STXBP5: variants seen among roughly 807,000 people sequenced by gnomAD.
STXBP5 encodes the protein syntaxin-binding protein 5.
A neutral mutation model predicts 152.4 loss-of-function variants in STXBP5; 50 were observed. That is an observed-to-expected ratio of 0.33 (90% CI 0.26 to 0.42). The LOEUF (loss-of-function observed/expected upper bound fraction) is 0.42, where lower values mean the gene tolerates loss of function less well. STXBP5 is among the 10% of genes least tolerant of loss of function. The probability of loss-of-function intolerance (pLI) is 1.00; values close to 1 mark genes in which losing one functional copy is unlikely to be tolerated. For missense variants in STXBP5, 1,167 were observed against 1,388.6 expected (o/e 0.84, Z 2.54); for synonymous variants, 492 against 494.7 (o/e 0.99, Z 0.07).
At position 147,240,108 on chromosome 6, in the gene STXBP5, A is replaced by G. The variant is rs188567698; in HGVS notation, c.431+838A>G. 4.2e-3 allele frequency among the ~76,000 whole-genome samples: 633 copies of G among 151,822 alleles called. 4 individuals carry two copies. The highest frequency in any genetic ancestry group is 5.7e-3 in the Non-Finnish European group (388 of 67,928). On this transcript the variant is annotated intron_variant, in intron 4 of 27. Coordinates refer to ENST00000321680, the MANE Select transcript of STXBP5 (RefSeq NM_001127715.4). Reference sequence around the variant, plus strand: ...TAGCATGCACCACAACACCTGGCTAATTTTTGTATTTTTAGTAGAGACGGG... The same window carrying G: ...TAGCATGCACCACAACACCTGGCTAGTTTTTGTATTTTTAGTAGAGACGGG...
intron 2 of STXBP5, among the ~76,000 whole-genome samples, chr6:147,208,613 A>G (rs1776690735): frequency 6.6e-6 from 1 of 152,160 alleles, no homozygotes; most frequent in Non-Finnish European, 1.5e-5. Flanking sequence ...CCTAAAAGAT[A>G]TCATTAGAGC....
intron 8 of STXBP5, among the ~76,000 whole-genome samples, chr6:147,287,467 G>A (rs1406438277): frequency 2.6e-5 from 4 of 152,068 alleles, no homozygotes; most frequent in Non-Finnish European, 5.9e-5. Flanking sequence ...CTCCCAAAGT[G>A]CTGGGATTAC....
At chr6:147,221,239 A>G (rs1220881327) in intron 2 of STXBP5, among the ~76,000 whole-genome samples, 1 of 152,056 alleles carries the variant, frequency 6.6e-6, no homozygotes, top group Non-Finnish European at 1.5e-5. Flanking sequence ...TCACCTATAT[A>G]TAAGCATATG....
intron 21 of STXBP5, among the ~76,000 whole-genome samples, chr6:147,340,965 T>C (rs1248128501): frequency 6.6e-6 from 1 of 152,162 alleles, no homozygotes; most frequent in Non-Finnish European, 1.5e-5. Context: ...GGAAAGCATG[T>C]TATGTTAACT....
intron 27 of STXBP5, 51 bp downstream of exon 27, chr6:147,383,049 G>A: frequency 6.3e-7 from 1 of 1,577,166 alleles, no homozygotes; most frequent in Non-Finnish European, 8.7e-7. Flanking sequence ...TAAAGCAAGT[G>A]TGAATGTTAC....
At chr6:147,307,198 A>T (rs1283106353) in intron 9 of STXBP5, among the ~76,000 whole-genome samples, 1 of 152,154 alleles carries the variant, frequency 6.6e-6, no homozygotes, top group Non-Finnish European at 1.5e-5. Context: ...AAAAAATCTA[A>T]TCAAACTAGA....
At chr6:147,298,304 A>C (rs961601692) in intron 9 of STXBP5, among the ~76,000 whole-genome samples, 2 of 152,064 alleles carry the variant, frequency 1.3e-5, no homozygotes, top group Non-Finnish European at 2.9e-5. Context: ...TAAGAATTAC[A>C]AATATATATG....
intron 6 of STXBP5, among the ~76,000 whole-genome samples, chr6:147,262,692 C>G (rs1389057332): frequency 6.6e-6 from 1 of 151,848 alleles, no homozygotes; most frequent in African/African-American, 2.4e-5. Context: ...CTTTTGAACA[C>G]TTTGTACAAT....
intron 16 of STXBP5, among the ~76,000 whole-genome samples, chr6:147,320,783 A>C (rs1254282517): frequency 1.3e-5 from 2 of 152,182 alleles, no homozygotes; most frequent in Non-Finnish European, 2.9e-5. Flanking sequence ...AATCATAGTA[A>C]AAAATATCAT....
intron 7 of STXBP5, among the ~76,000 whole-genome samples, chr6:147,274,692 ATGT>A (rs754035697): frequency 3.4e-4 from 52 of 152,174 alleles, no homozygotes; most frequent in Non-Finnish European, 5.3e-4. Flanking sequence ...GTATTTGCAA[ATGT>A]TGTAATTTTA....
chr6:147,280,249 C>G (rs114572460), intron 8 of STXBP5, among the ~76,000 whole-genome samples: 220 of 151,172 alleles, frequency 1.5e-3, no homozygotes, highest in African/African-American at 5.1e-3. Flanking sequence ...ATAGAACGTG[C>G]CTCAGTATGG....
intron 19 of STXBP5, among the ~76,000 whole-genome samples, chr6:147,338,836 A>G (rs1270967007): frequency 6.6e-6 from 1 of 151,756 alleles, no homozygotes; most frequent in Non-Finnish European, 1.5e-5. Context: ...TTCAGTTAAT[A>G]CTATCAAGAA....
intron 2 of STXBP5, among the ~76,000 whole-genome samples, chr6:147,228,785 C>A (rs1469068670): frequency 6.6e-6 from 1 of 151,966 alleles, no homozygotes. Context: ...ATTATAATAT[C>A]CAAAATTGGG....
intron 22 of STXBP5, among the ~76,000 whole-genome samples, chr6:147,355,095 A>C (rs890414864): frequency 6.6e-6 from 1 of 152,086 alleles, no homozygotes; most frequent in Non-Finnish European, 1.5e-5. Context: ...CTGTACTTGC[A>C]CTATAGCTTC....
chr6:147,337,907 C>T (rs1325235495), intron 19 of STXBP5, among the ~76,000 whole-genome samples: 1 of 152,016 alleles, frequency 6.6e-6, no homozygotes, highest in East Asian at 1.9e-4. Flanking sequence ...AGTAATGGTT[C>T]TGCCAATGCT....
At chr6:147,353,721 TA>T (rs1406037681) in intron 22 of STXBP5, among the ~76,000 whole-genome samples, 1 of 152,192 alleles carries the variant, frequency 6.6e-6, no homozygotes, top group Admixed American at 6.5e-5. Flanking sequence ...TTGAACTTTA[TA>T]AAATTATTTT....
intron 7 of STXBP5, among the ~76,000 whole-genome samples, 185 bp downstream of exon 7, chr6:147,267,352 C>T (rs1275476462): frequency 6.6e-6 from 1 of 152,100 alleles, no homozygotes; most frequent in Non-Finnish European, 1.5e-5. Context: ...TTCCCACCTG[C>T]CATTTGGTTA....
At position 147,298,099 on chromosome 6, in the gene STXBP5, A is replaced by G. The variant is rs931513282; in HGVS notation, c.917+6927A>G. 6.6e-5 allele frequency among the ~76,000 whole-genome samples: 10 copies of G among 152,118 alleles called. No homozygotes were observed. In the East Asian group the frequency reaches 1.7e-3, roughly 26 times the overall value. The stretch of plus-strand genomic sequence containing the variant: ...AAAGAAAAACTTTATGCTACCTACT[A>G]TAGGCTCACGTCACTTGTACAGATA... On this transcript the variant is annotated intron_variant, in intron 9 of 27. Transcript: ENST00000321680.
chr6:147,329,168 C>T (rs1783424869), intron 18 of STXBP5, among the ~76,000 whole-genome samples: 1 of 150,828 alleles, frequency 6.6e-6, no homozygotes, highest in Admixed American at 6.6e-5. Context: ...CTAGATTTAT[C>T]TAAGGATAGA....
Sources: gnomAD v4.1 joint callset for allele counts (sites outside exome capture counted in the v4.1 genomes callset) on GRCh38, gnomAD v4.1.1 for gene constraint, MANE v1.5 for transcripts, NCBI Gene and HGNC (gene_info 2026-07-23, HGNC 2026-07-21) for gene names.